RALGAPA2: variants seen among roughly 807,000 people sequenced by gnomAD.
The protein encoded by RALGAPA2 is ral GTPase-activating protein subunit alpha-2.
Under a neutral mutation model 230.4 loss-of-function variants are expected in RALGAPA2, and 139 were observed. The observed-to-expected ratio is 0.60, with a 90% CI of 0.53 to 0.69. The LOEUF is 0.69. RALGAPA2 is among the 30% of genes least tolerant of loss of function. The pLI, the probability that RALGAPA2 is intolerant of heterozygous loss-of-function variation, is 0.00. For missense variants in RALGAPA2, 2,163 were observed against 2,276.0 expected, an observed-to-expected ratio of 0.95 and a Z score of 1.01; for synonymous variants, 847 against 837.8, an observed-to-expected ratio of 1.01 and a Z score of -0.19.
intron 36 of RALGAPA2, among the ~76,000 whole-genome samples, chr20:20,485,045 ATT>A (rs777649458): frequency 2.9e-5 from 4 of 137,364 alleles, no homozygotes; most frequent in Admixed American, 7.3e-5. Context: ...ACATTATGAG[ATT>A]TTTTTTTTTT....
At chr20:20,482,140 A>G (rs2061792214) in intron 36 of RALGAPA2, among the ~76,000 whole-genome samples, 1 of 152,210 alleles carries the variant, frequency 6.6e-6, no homozygotes, top group Admixed American at 6.5e-5. Context: ...ACTTTGTCTG[A>G]AAATTCTAAA....
Position 20,398,522 on chromosome 20 carries a change from G to T in RALGAPA2, c.5618-1788C>A, listed in dbSNP as rs1389141496. ...TGGGGCTCAAATGTCACTTGCCCTTGACACACGGCGGTGCTCCCAAAGGGT... is the reference window on the plus strand; with the variant it reads ...TGGGGCTCAAATGTCACTTGCCCTTTACACACGGCGGTGCTCCCAAAGGGT... On this transcript the variant is annotated intron_variant, in intron 38 of 39. Transcript: ENST00000202677. This position sits in a 1 kb window ranked among gnomAD's most constrained non-coding sequence, Gnocchi z 4.5. Among the ~76,000 whole-genome samples, 1 of 152,172 alleles carries T rather than the reference G, an allele frequency of 6.6e-6. No individual in the cohort carries two copies. Among genetic ancestry groups the T allele is most frequent in the Non-Finnish European group, 1.5e-5 (1 of 68,032 alleles).
intron 23 of RALGAPA2, among the ~76,000 whole-genome samples, chr20:20,547,384 T>C (rs2063801812): frequency 6.6e-6 from 1 of 152,238 alleles, no homozygotes; most frequent in South Asian, 2.1e-4. Context: ...TGAGTATATG[T>C]GTGATCTCAG....
chr20:20,633,684 TAGCA>T (rs1393415782), intron 9 of RALGAPA2, among the ~76,000 whole-genome samples: 4 of 151,910 alleles, frequency 2.6e-5, no homozygotes, highest in Admixed American at 1.3e-4. Context: ...TTCACCATGT[TAGCA>T]AGGATGGTCT....
intron 3 of RALGAPA2, among the ~76,000 whole-genome samples, chr20:20,673,789 G>A (rs1363496930): frequency 6.6e-6 from 1 of 152,106 alleles, no homozygotes; most frequent in African/African-American, 2.4e-5. Flanking sequence ...CTTGACAACA[G>A]GTTTTATAAC....
chr20:20,408,408 C>T (rs985456083), intron 38 of RALGAPA2, among the ~76,000 whole-genome samples: 2 of 152,142 alleles, frequency 1.3e-5, no homozygotes, highest in African/African-American at 4.8e-5. Flanking sequence ...ATCTTTAAGG[C>T]AGTTCTGAAA....
At chr20:20,497,001 G>A (rs546685998) in intron 35 of RALGAPA2, among the ~76,000 whole-genome samples, 1 of 152,194 alleles carries the variant, frequency 6.6e-6, no homozygotes, top group Non-Finnish European at 1.5e-5. Context: ...CGATGATCCA[G>A]AACAATTTAA....
intron 37 of RALGAPA2, among the ~76,000 whole-genome samples, chr20:20,418,437 T>C (rs909605221): frequency 2.0e-5 from 3 of 152,164 alleles, no homozygotes; most frequent in Admixed American, 6.5e-5. Context: ...TCTGACCTTA[T>C]CCAGGGAAGA....
chr20:20,406,522 C>T (rs1453103675), intron 38 of RALGAPA2, among the ~76,000 whole-genome samples: 1 of 152,200 alleles, frequency 6.6e-6, no homozygotes, highest in Non-Finnish European at 1.5e-5. Flanking sequence ...GGACATGTGG[C>T]AACACTTTGG....
chr20:20,579,956 A>T (rs1380215336), intron 20 of RALGAPA2, among the ~76,000 whole-genome samples: 3 of 152,268 alleles, frequency 2.0e-5, no homozygotes, highest in East Asian at 1.9e-4. Flanking sequence ...CTTTAAGTAA[A>T]TGTCATAGAA....
chr20:20,621,634 T>C (rs1167381003), intron 10 of RALGAPA2, among the ~76,000 whole-genome samples: 1 of 152,226 alleles, frequency 6.6e-6, no homozygotes, highest in African/African-American at 2.4e-5. Context: ...TGTAGCATTG[T>C]GCATATTTAT....
intron 1 of RALGAPA2, among the ~76,000 whole-genome samples, chr20:20,701,714 A>AG (rs1329948166): frequency 6.6e-6 from 1 of 151,528 alleles, no homozygotes; most frequent in Admixed American, 6.6e-5. Flanking sequence ...TGGGCGACAG[A>AG]GCAGGACTTC....
chr20:20,516,982 C>A (rs2062891286), intron 31 of RALGAPA2, among the ~76,000 whole-genome samples: 1 of 152,218 alleles, frequency 6.6e-6, no homozygotes, highest in African/African-American at 2.4e-5. Context: ...TGCACCTCTA[C>A]CCCAACAGGC....
intron 23 of RALGAPA2, among the ~76,000 whole-genome samples, chr20:20,563,652 C>T (rs770664347): frequency 2.0e-5 from 3 of 152,292 alleles, no homozygotes; most frequent in African/African-American, 2.4e-5. Context: ...AACTTACAGT[C>T]CCTTTATCCT....
At chr20:20,631,597 G>A (rs923308790) in intron 9 of RALGAPA2, among the ~76,000 whole-genome samples, 2 of 152,200 alleles carry the variant, frequency 1.3e-5, no homozygotes, top group African/African-American at 4.8e-5. Context: ...GACATGGCAA[G>A]AACACAGGAT....
rs561651876 is a variant in RALGAPA2 at position 20,505,537 on chromosome 20, A to G, written c.4929-3T>C. 2 of 1,560,104 alleles carry G rather than the reference A, an allele frequency of 1.3e-6. No homozygotes were observed. Among genetic ancestry groups the G allele is most frequent in the Non-Finnish European group, 1.7e-6 (2 of 1,157,498 alleles). On this transcript the variant is annotated splice_polypyrimidine_tract_variant and splice_region_variant and intron_variant, in intron 33 of 39. Coordinates refer to ENST00000202677, the MANE Select transcript of RALGAPA2 (RefSeq NM_020343.4). Reference sequence around the variant, plus strand: ...CTGCGATTTTGTGTGTCTCACGGCTATAAATTTTTAAATTTAAAGGAGTTA... The same window carrying G: ...CTGCGATTTTGTGTGTCTCACGGCTGTAAATTTTTAAATTTAAAGGAGTTA...
intron 2 of RALGAPA2, 137 bp downstream of exon 2, chr20:20,680,554 G>A: frequency 8.0e-7 from 1 of 1,254,312 alleles, no homozygotes; most frequent in Non-Finnish European, 1.0e-6. Context: ...ATGCCACCCT[G>A]TCCACCATGC....
intron 23 of RALGAPA2, among the ~76,000 whole-genome samples, chr20:20,565,634 A>T (rs1378568849): frequency 6.6e-6 from 1 of 152,226 alleles, no homozygotes; most frequent in African/African-American, 2.4e-5. Context: ...GATGTTTAAA[A>T]TTATGGTTTT....
intron 1 of RALGAPA2, among the ~76,000 whole-genome samples, chr20:20,695,541 G>A (rs1202665866): frequency 6.6e-6 from 1 of 152,184 alleles, no homozygotes; most frequent in Non-Finnish European, 1.5e-5. Context: ...CTGACTGACT[G>A]TCAACTGACA....
Sources: allele counts gnomAD v4.1 joint callset (sites outside exome capture counted in the v4.1 genomes callset), GRCh38; gene constraint gnomAD v4.1.1; non-coding constraint Gnocchi (gnomAD v3.1); transcripts MANE v1.5; gene names NCBI Gene and HGNC (gene_info 2026-07-23, HGNC 2026-07-21).